The following PRKCZ variants were observed in gnomAD, a reference collection of about 807,000 sequenced individuals.
The protein encoded by PRKCZ is protein kinase C zeta type.
In PRKCZ, 33 loss-of-function variants were observed where a neutral mutation model predicts 79.5. The observed-to-expected ratio is 0.41, with a 90% confidence interval of 0.31 to 0.55. The LOEUF is 0.55. PRKCZ is among the 20% of genes least tolerant of loss of function. PRKCZ has a pLI of 0.19. For missense variants in PRKCZ, 578 were observed against 813.5 expected, an observed-to-expected ratio of 0.71 and a Z score of 3.52; for synonymous variants, 342 against 320.9, an observed-to-expected ratio of 1.07 and a Z score of -0.70.
In PRKCZ at chr1:2,125,286, A is replaced by G. The variant is rs78155038; in HGVS notation, c.335-9976A>G. Among the ~76,000 whole-genome samples, 500 of 152,364 alleles carry G rather than the reference A, an allele frequency of 3.3e-3. 13 individuals carry two copies. In the East Asian group the frequency reaches 0.066, roughly 20 times the overall value. ...TGGCGTACATCTTTCCACGGAAACT[A>G]TGAAAATACTGGTCAGCCTCTCAGT... On this transcript the variant is annotated intron_variant, in intron 4 of 17. Coordinates refer to ENST00000378567, the MANE Select transcript of PRKCZ (RefSeq NM_002744.6). This position sits in a 1 kb window ranked among gnomAD's most constrained non-coding sequence, Gnocchi z 4.2.
intron 10 of PRKCZ, among the ~76,000 whole-genome samples, chr1:2,162,483 G>A (rs1271832337): frequency 3.9e-5 from 6 of 152,314 alleles, no homozygotes; most frequent in African/African-American, 7.2e-5. Context: ...TACCTGGGGC[G>A]AAATTGACAT....
intron 8 of PRKCZ, 40 bp from the exon 9 acceptor site, chr1:2,150,750 C>G (rs1261570005): frequency 6.3e-7 from 1 of 1,582,368 alleles, no homozygotes; most frequent in Admixed American, 1.7e-5. Flanking sequence ...CTCCCGGGAA[C>G]CCCCCTCTCA....
chr1:2,136,847 G>T (rs1055762662), intron 5 of PRKCZ, among the ~76,000 whole-genome samples: 2 of 152,164 alleles, frequency 1.3e-5, no homozygotes, highest in African/African-American at 4.8e-5. Context: ...TTAAACAATG[G>T]AAACTTGCTC....
At chr1:2,089,704 C>T (rs956542290) in intron 4 of PRKCZ, among the ~76,000 whole-genome samples, 2 of 152,112 alleles carry the variant, frequency 1.3e-5, no homozygotes, top group South Asian at 2.1e-4. Context: ...CGTGTGAATT[C>T]GGTGGGACGT....
intron 4 of PRKCZ, among the ~76,000 whole-genome samples, chr1:2,086,592 C>T (rs1664565577): frequency 6.6e-6 from 1 of 152,320 alleles, no homozygotes; most frequent in African/African-American, 2.4e-5. Context: ...TGGACCTGGC[C>T]GTTTCTCCAC....
rs1679365599 is a variant in PRKCZ, at chr1:2,149,316, C to A, written c.687+392C>A. 6.6e-6 allele frequency among the ~76,000 whole-genome samples: 1 copy of A among 152,254 alleles called. No individual in the cohort carries two copies. The highest frequency in any genetic ancestry group is 2.1e-4 in the South Asian group (1 of 4,834). On this transcript the variant is annotated intron_variant, in intron 8 of 17. Transcript: ENST00000378567. This position sits in a 1 kb window ranked among gnomAD's most constrained non-coding sequence, Gnocchi z 4.1. Reference sequence around the variant, plus strand: ...GGCCATCCTGGCAAACCCTCTGAAGCCCTTTCATGTCCTTCCCCAACTTGA... The same window carrying A: ...GGCCATCCTGGCAAACCCTCTGAAGACCTTTCATGTCCTTCCCCAACTTGA...
chr1:2,178,159 C>A lies in PRKCZ; in HGVS notation c.1575+2846C>A, dbSNP rs1271144883. 6.6e-6 allele frequency among the ~76,000 whole-genome samples: 1 copy of A among 152,224 alleles called. No individual in the cohort carries two copies. Among genetic ancestry groups the A allele is most frequent in the South Asian group, 2.1e-4 (1 of 4,834 alleles). ...CAGAGTTACATGACGTCATCGCGATCACTTTCATCACCCTGTACCCAGAGA... is the reference window on the plus strand; with the variant it reads ...CAGAGTTACATGACGTCATCGCGATAACTTTCATCACCCTGTACCCAGAGA... On this transcript the variant is annotated intron_variant, in intron 16 of 17. Transcript: ENST00000378567. The surrounding 1 kb of genome is among the most constrained non-coding windows in gnomAD (Gnocchi z 4.3).
At chr1:2,171,733 A>G (rs540177766) in intron 11 of PRKCZ, 90 of 317,914 alleles carry the variant, frequency 2.8e-4, no homozygotes, top group African/African-American at 1.9e-3. Flanking sequence ...CTGCACTCCT[A>G]CCACAACGTG....
At chr1:2,118,985 G>A (rs192321364) in intron 4 of PRKCZ, among the ~76,000 whole-genome samples, 8 of 152,022 alleles carry the variant, frequency 5.3e-5, no homozygotes, top group African/African-American at 1.9e-4. Flanking sequence ...GTCCTTATTT[G>A]TCCGGTCTGT....
intron 4 of PRKCZ, among the ~76,000 whole-genome samples, chr1:2,103,326 G>A (rs546869627): frequency 2.3e-4 from 35 of 152,242 alleles, no homozygotes; most frequent in Non-Finnish European, 4.6e-4. Flanking sequence ...GAGAGCGGCC[G>A]ACACAGCTGC....
rs781172152 is a variant in PRKCZ, at chr1:2,174,849, T to C, written c.1485+16T>C. The C allele has an allele frequency of 1.9e-6, 3 of 1,611,168 alleles. No individual in the cohort carries two copies. The South Asian group carries it at 3.3e-5, about 18-fold the overall frequency. Reference sequence around the variant, plus strand: ...TTTAAATAAGGTACGTTTCTGGCCATGCTGACAAAATCTCGTTTGTGGCCT... The same window carrying C: ...TTTAAATAAGGTACGTTTCTGGCCACGCTGACAAAATCTCGTTTGTGGCCT... On this transcript the variant is annotated intron_variant, in intron 15 of 17. Coordinates refer to ENST00000378567, the MANE Select transcript of PRKCZ (RefSeq NM_002744.6). The surrounding 1 kb of genome is among the most constrained non-coding windows in gnomAD (Gnocchi z 6.2).
intron 4 of PRKCZ, among the ~76,000 whole-genome samples, chr1:2,107,991 C>T (rs541210665): frequency 1.2e-4 from 19 of 152,080 alleles, no homozygotes; most frequent in East Asian, 7.8e-4. Flanking sequence ...CAAGGGAGCC[C>T]CCCAACCCCG....
At chr1:2,052,586 C>T (rs1659781601) in intron 1 of PRKCZ, among the ~76,000 whole-genome samples, 1 of 152,050 alleles carries the variant, frequency 6.6e-6, no homozygotes. Context: ...TCCTCTCTCC[C>T]CTCCCAGGTC....
At chr1:2,078,970 G>C (rs1343210510) in intron 4 of PRKCZ, among the ~76,000 whole-genome samples, 1 of 151,988 alleles carries the variant, frequency 6.6e-6, no homozygotes, top group East Asian at 1.9e-4. Context: ...AGCCTCCTGA[G>C]TAGCTGGGAC....
rs534584571 is a variant in PRKCZ at position 2,109,245 on chromosome 1, G to A, written c.335-26017G>A. 8.4e-4 allele frequency among the ~76,000 whole-genome samples: 128 copies of A among 152,340 alleles called. 1 individual carries two copies. The South Asian group carries it at 0.025, about 30-fold the overall frequency. On this transcript the variant is annotated intron_variant, in intron 4 of 17. Transcript: ENST00000378567. ...TGGGTGCTTCCGGATGCTTGGCATT[G>A]GAGGTTTCTGTCCTCTGCTGGAAGG...
intron 4 of PRKCZ, among the ~76,000 whole-genome samples, chr1:2,118,878 A>G (rs1332855763): frequency 1.3e-5 from 2 of 152,122 alleles, no homozygotes; most frequent in Non-Finnish European, 2.9e-5. Context: ...TTTTTAATCC[A>G]GTCTGAAAAT....
intron 4 of PRKCZ, among the ~76,000 whole-genome samples, chr1:2,107,090 G>A (rs1668697100): frequency 6.6e-6 from 1 of 152,272 alleles, no homozygotes; most frequent in African/African-American, 2.4e-5. Context: ...GAAGGCCTGT[G>A]CCTCGCAGGG....
intron 4 of PRKCZ, among the ~76,000 whole-genome samples, chr1:2,102,434 A>G (rs977596329): frequency 2.9e-4 from 44 of 151,390 alleles, no homozygotes; most frequent in Non-Finnish European, 2.5e-4. Context: ...CCAAGTTCAC[A>G]CCATTCTCCT....
chr1:2,084,405 C>T (rs749428339), intron 4 of PRKCZ, among the ~76,000 whole-genome samples: 4 of 152,200 alleles, frequency 2.6e-5, no homozygotes, highest in Non-Finnish European at 4.4e-5. Flanking sequence ...AGCTTGCACT[C>T]GCGGCTCCCC....
Sources: gnomAD v4.1 joint callset for allele counts (sites outside exome capture counted in the v4.1 genomes callset) on GRCh38, gnomAD v4.1.1 for gene constraint, Gnocchi (gnomAD v3.1) non-coding constraint, MANE v1.5 for transcripts, NCBI Gene and HGNC (gene_info 2026-07-23, HGNC 2026-07-21) for gene names.